Variants in KIF6 observed in about 807,000 individuals in gnomAD.
KIF6 encodes kinesin-like protein KIF6.
In KIF6, 106 loss-of-function variants were observed where a neutral mutation model predicts 112.7. The observed-to-expected ratio is 0.94, with a 90% CI of 0.80 to 1.11. KIF6 has a LOEUF of 1.11. Among genes scored for constraint, KIF6 ranks in the 50% least tolerant of loss-of-function variants. The pLI is 0.00. For synonymous variants in KIF6, 339 were observed against 339.9 expected, an observed-to-expected ratio of 1.00 and a Z score of 0.03; for missense variants, 929 against 964.0, an observed-to-expected ratio of 0.96 and a Z score of 0.48.
intron 3 of KIF6, among the ~76,000 whole-genome samples, chr6:39,659,204 C>A (rs1785979177): frequency 6.6e-6 from 1 of 152,084 alleles, no homozygotes. Flanking sequence ...ACAATAGGAC[C>A]AATTCTTTAT....
intron 10 of KIF6, among the ~76,000 whole-genome samples, chr6:39,575,018 G>T (rs1213913560): frequency 6.6e-6 from 1 of 152,004 alleles, no homozygotes; most frequent in Non-Finnish European, 1.5e-5. Context: ...TACTGTTCTT[G>T]TTTTATAGAT....
At chr6:39,625,189 C>A (rs1272294695) in intron 5 of KIF6, among the ~76,000 whole-genome samples, 1 of 152,082 alleles carries the variant, frequency 6.6e-6, no homozygotes, top group African/African-American at 2.4e-5. Flanking sequence ...TTTAAGCTAC[C>A]CATTCTATGG....
intron 15 of KIF6, among the ~76,000 whole-genome samples, chr6:39,400,519 A>C (rs1231435916): frequency 6.6e-6 from 1 of 152,252 alleles, no homozygotes; most frequent in Non-Finnish European, 1.5e-5. Flanking sequence ...AGACTTGGTC[A>C]GCATTGGGAG....
intron 3 of KIF6, among the ~76,000 whole-genome samples, chr6:39,646,606 T>C (rs917855595): frequency 6.6e-6 from 1 of 152,188 alleles, no homozygotes; most frequent in African/African-American, 2.4e-5. Flanking sequence ...CAAAGGCAAA[T>C]ACATTTTATA....
intron 13 of KIF6, among the ~76,000 whole-genome samples, chr6:39,464,800 A>T (rs1773691288): frequency 6.6e-6 from 1 of 152,218 alleles, no homozygotes; most frequent in African/African-American, 2.4e-5. Context: ...TACTATAGTG[A>T]TATACCTACA....
chr6:39,345,862 T>C, intron 20 of KIF6, 73 bp from the exon 21 acceptor site: 2 of 1,075,332 alleles, frequency 1.9e-6, no homozygotes, highest in Non-Finnish European at 2.8e-6. Context: ...GGTTTATATC[T>C]AGGAGCTGTT....
chr6:39,471,051 C>A (rs1260887278), intron 13 of KIF6, among the ~76,000 whole-genome samples: 1 of 152,182 alleles, frequency 6.6e-6, no homozygotes, highest in Non-Finnish European at 1.5e-5. Context: ...GTTTGTAATC[C>A]TTGGTCCAGC....
intron 10 of KIF6, among the ~76,000 whole-genome samples, chr6:39,563,884 T>C (rs924374292): frequency 3.3e-5 from 5 of 152,214 alleles, no homozygotes; most frequent in African/African-American, 1.2e-4. Flanking sequence ...ACCAAAAAGG[T>C]TGGCCAAAAA....
At chr6:39,616,305 T>C (rs930807987) in intron 5 of KIF6, among the ~76,000 whole-genome samples, 1 of 152,226 alleles carries the variant, frequency 6.6e-6, no homozygotes, top group East Asian at 1.9e-4. Flanking sequence ...TCCAGCTTTG[T>C]CACAAAATAC....
At chr6:39,570,166 T>G (rs1780565375) in intron 10 of KIF6, among the ~76,000 whole-genome samples, 1 of 152,204 alleles carries the variant, frequency 6.6e-6, no homozygotes, top group Non-Finnish European at 1.5e-5. Context: ...AATTACTTTT[T>G]AAAAGAAATG....
chr6:39,458,366 G>A (rs879694460), intron 13 of KIF6, among the ~76,000 whole-genome samples: 362 of 142,938 alleles, frequency 2.5e-3, no homozygotes, highest in Non-Finnish European at 4.5e-3. Context: ...TTGATGGGAC[G>A]TATTTCAAAA....
chr6:39,523,253 T>G (rs1159342268), intron 13 of KIF6, among the ~76,000 whole-genome samples: 1 of 152,068 alleles, frequency 6.6e-6, no homozygotes, highest in African/African-American at 2.4e-5. Context: ...TCGAGGTCCT[T>G]ATAATTACGT....
chr6:39,654,521 A>G (rs563118204), intron 3 of KIF6, among the ~76,000 whole-genome samples: 2 of 152,306 alleles, frequency 1.3e-5, no homozygotes, highest in South Asian at 4.1e-4. Context: ...GAAAATAAAC[A>G]GGCTCAAGTT....
intron 12 of KIF6, 48 bp downstream of exon 12, chr6:39,544,506 CT>C: frequency 6.4e-7 from 1 of 1,574,240 alleles, no homozygotes; most frequent in Non-Finnish European, 8.6e-7. Flanking sequence ...CTGTTTACCC[CT>C]TTCAAACCAG....
At position 39,335,533 on chromosome 6, in the gene KIF6, G is replaced by A. The variant is rs1468483132; in HGVS notation, c.*999C>T. 1 of 152,018 alleles carries A rather than the reference G, an allele frequency of 6.6e-6. No individual in the cohort carries two copies. Among genetic ancestry groups the A allele is most frequent in the Non-Finnish European group, 1.5e-5 (1 of 68,032 alleles). 9.4% of individuals were successfully genotyped at this position (152,018 alleles called of 1,614,324 possible). Reference sequence around the variant, plus strand: ...TTATAGGACAGAGACACCAGGAGCAGTGGACCAGCACTTTTATCCAGTTAG... The same window carrying A: ...TTATAGGACAGAGACACCAGGAGCAATGGACCAGCACTTTTATCCAGTTAG... On this transcript the variant is annotated 3_prime_UTR_variant, in exon 23 of 23. Transcript: ENST00000287152.
At chr6:39,580,226 C>A (rs1026968488) in intron 9 of KIF6, among the ~76,000 whole-genome samples, 1 of 151,796 alleles carries the variant, frequency 6.6e-6, no homozygotes, top group African/African-American at 2.4e-5. Flanking sequence ...TATTTTATAT[C>A]AGGAATTTAA....
chr6:39,417,571 G>T (rs764616427), intron 15 of KIF6, among the ~76,000 whole-genome samples: 3 of 152,152 alleles, frequency 2.0e-5, no homozygotes, highest in Non-Finnish European at 4.4e-5. Flanking sequence ...CAGATCAAAT[G>T]ACAGCCCTCA....
chr6:39,490,183 C>T (rs1202333241), intron 13 of KIF6, among the ~76,000 whole-genome samples: 1 of 152,186 alleles, frequency 6.6e-6, no homozygotes, highest in Non-Finnish European at 1.5e-5. Flanking sequence ...CATGTCTGTG[C>T]TCTCTAACAT....
intron 13 of KIF6, among the ~76,000 whole-genome samples, chr6:39,523,074 A>C (rs1327748187): frequency 1.3e-5 from 2 of 152,258 alleles, no homozygotes; most frequent in East Asian, 3.9e-4. Context: ...TAATTTAACC[A>C]ATCAACCCTC....
Sources: allele counts gnomAD v4.1 joint callset (sites outside exome capture counted in the v4.1 genomes callset), GRCh38; gene constraint gnomAD v4.1.1; transcripts MANE v1.5; gene names NCBI Gene and HGNC (gene_info 2026-07-23, HGNC 2026-07-21).